Variants in DEFB134 observed in about 807,000 individuals in gnomAD.
DEFB134 encodes the protein beta-defensin 134.
A neutral mutation model predicts 7.4 loss-of-function variants in DEFB134; 7 were observed. That is an observed-to-expected ratio of 0.95 (90% confidence interval 0.54 to 1.79). DEFB134 has a LOEUF of 1.79. Ranked by LOEUF, DEFB134 falls within the 40% of genes most tolerant of loss-of-function variation. DEFB134 has a pLI of 0.00. For missense variants in DEFB134, 105 were observed against 74.8 expected, an observed-to-expected ratio of 1.40 and a Z score of -1.49; for synonymous variants, 33 against 25.0, an observed-to-expected ratio of 1.32 and a Z score of -0.96.
At chr8:11,997,998 G>T (rs1344620281), upstream of DEFB134, among the ~76,000 whole-genome samples, 2 of 152,078 alleles carry the variant, frequency 1.3e-5, no homozygotes, top group Admixed American at 6.6e-5. Context: ...AAATTAAAAA[G>T]AACGCATGCC....
chr8:11,993,799 G>C (rs1319502462), exon 2 of DEFB134: 10 of 735,912 alleles, frequency 1.4e-5, no homozygotes, highest in Non-Finnish European at 2.0e-5. Flanking sequence ...CTCTTTTAAA[G>C]AAGGCTACAG....
At chr8:11,999,970 G>C (rs557360290), upstream of DEFB134, among the ~76,000 whole-genome samples, 4 of 152,250 alleles carry the variant, frequency 2.6e-5, no homozygotes, top group Admixed American at 6.5e-5. Flanking sequence ...TCCTGGGTTT[G>C]GTATTTCTTT....
intron 1 of DEFB134, among the ~76,000 whole-genome samples, chr8:11,994,934 G>A (rs1800078157): frequency 6.6e-6 from 1 of 152,180 alleles, no homozygotes; most frequent in Non-Finnish European, 1.5e-5. Flanking sequence ...TTTGAAGGAG[G>A]ATGAAATCAA....
exon 2 of DEFB134, chr8:11,994,036 C>G (rs368764419): frequency 3.5e-5 from 56 of 1,613,780 alleles, no homozygotes; most frequent in Non-Finnish European, 1.1e-5. Flanking sequence ...CAGTAGGCAA[C>G]TAACATTTCA....
exon 2 of DEFB134, chr8:11,994,020 A>G (rs143028433): frequency 3.7e-6 from 6 of 1,613,980 alleles, no homozygotes; most frequent in Non-Finnish European, 5.1e-6. Context: ...CTCCAGCTGA[A>G]ACATACAGTA....
At chr8:11,996,377 G>A, upstream of DEFB134, 4 of 1,017,940 alleles carry the variant, frequency 3.9e-6, no homozygotes, top group South Asian at 1.5e-5. Flanking sequence ...CTCGCTTCAG[G>A]TAGATATGCT....
upstream of DEFB134, among the ~76,000 whole-genome samples, chr8:11,999,691 C>G (rs1379766016): frequency 6.6e-6 from 1 of 152,210 alleles, no homozygotes; most frequent in Non-Finnish European, 1.5e-5. Flanking sequence ...CAGCAACTGT[C>G]AGAGATCGTC....
upstream of DEFB134, among the ~76,000 whole-genome samples, chr8:11,999,654 T>A (rs1800220170): frequency 6.6e-6 from 1 of 152,164 alleles, no homozygotes; most frequent in South Asian, 2.1e-4. Flanking sequence ...GCCTCTGAGT[T>A]TTGCTCTAAA....
At chr8:11,995,958 C>CAAAAAAAAAAAAAA (rs34837269) in intron 1 of DEFB134, among the ~76,000 whole-genome samples, 44 of 139,916 alleles carry the variant, frequency 3.1e-4, no homozygotes, top group African/African-American at 7.8e-4. Flanking sequence ...TCAGTTCAGC[C>CAAAAAAAAAAAAAA]AAAAAAAAAA....
upstream of DEFB134, among the ~76,000 whole-genome samples, chr8:11,996,596 A>C (rs796131906): frequency 2.2e-4 from 34 of 152,380 alleles, no homozygotes; most frequent in African/African-American, 7.5e-4. Flanking sequence ...TGTTCCAATA[A>C]AAATGTAATT....
chr8:11,996,695 TC>T (rs932156691), upstream of DEFB134, among the ~76,000 whole-genome samples: 4 of 152,218 alleles, frequency 2.6e-5, no homozygotes, highest in Non-Finnish European at 4.4e-5. Context: ...AAACTGTCAT[TC>T]TAAAGAAAGT....
At chr8:11,997,282 G>A (rs755293208), upstream of DEFB134, among the ~76,000 whole-genome samples, 1 of 152,144 alleles carries the variant, frequency 6.6e-6, no homozygotes, top group Non-Finnish European at 1.5e-5. Context: ...GAGCACCACT[G>A]CATGGCTATA....
At chr8:11,997,296 C>A (rs537832652), upstream of DEFB134, among the ~76,000 whole-genome samples, 1 of 152,190 alleles carries the variant, frequency 6.6e-6, no homozygotes, top group Non-Finnish European at 1.5e-5. Context: ...GGCTATACAT[C>A]TATGTGTTTA....
upstream of DEFB134, among the ~76,000 whole-genome samples, chr8:11,996,978 T>C (rs1182392823): frequency 6.6e-6 from 1 of 152,242 alleles, no homozygotes; most frequent in Non-Finnish European, 1.5e-5. Context: ...AGTTTTGCCA[T>C]ATCTATACGT....
At chr8:11,996,107 C>CA in intron 1 of DEFB134, 87 bp downstream of exon 2, 1 of 1,490,434 alleles carries the variant, frequency 6.7e-7, no homozygotes, top group Non-Finnish European at 9.3e-7. Flanking sequence ...TTAAAGGGCC[C>CA]ATGGGTGGTG....
At chr8:11,996,574 T>G (rs1352426538), upstream of DEFB134, among the ~76,000 whole-genome samples, 1 of 152,230 alleles carries the variant, frequency 6.6e-6, no homozygotes, top group African/African-American at 2.4e-5. Context: ...AAATTAAAAT[T>G]TGATAGGCTT....
chr8:11,998,510 A>C (rs538027551), upstream of DEFB134, among the ~76,000 whole-genome samples: 1 of 152,260 alleles, frequency 6.6e-6, no homozygotes, highest in African/African-American at 2.4e-5. Context: ...AAACAAAGGT[A>C]CAATACCAGA....
chr8:11,999,269 C>A, upstream of DEFB134: 1 of 210,264 alleles, frequency 4.8e-6, no homozygotes. Flanking sequence ...GAATTACTGG[C>A]TGAGGCTCCC....
intron 1 of DEFB134, 47 bp downstream of exon 2, chr8:11,996,147 T>C (rs376413591): frequency 1.2e-6 from 2 of 1,607,296 alleles, no homozygotes; most frequent in African/African-American, 2.7e-5. Flanking sequence ...AGTGGCATTG[T>C]TCTTCTATAT....
Sources: gnomAD v4.1 joint callset for allele counts (sites outside exome capture counted in the v4.1 genomes callset) on GRCh38, gnomAD v4.1.1 for gene constraint, MANE v1.5 for transcripts, NCBI Gene and HGNC (gene_info 2026-07-23, HGNC 2026-07-21) for gene names.